Variants in NLGN4X observed in about 807,000 individuals in gnomAD.
NLGN4X encodes the protein neuroligin 4 X-linked, also known as neuroligin-4, X-linked.
A neutral mutation model predicts 40.3 loss-of-function variants in NLGN4X; 3 were observed. The observed-to-expected ratio is 0.07, with a 90% CI of 0.03 to 0.19. NLGN4X has a LOEUF of 0.19. NLGN4X is among the 10% of genes least tolerant of loss of function. The pLI is 1.00. For missense variants in NLGN4X, 382 were observed against 708.3 expected (o/e 0.54, Z 5.23); for synonymous variants, 270 against 306.8 (o/e 0.88, Z 1.25).
At chrX:6,150,927 ACCCTC>A in intron 2 of NLGN4X, 63 bp downstream of exon 2, 1 of 901,464 alleles carries the variant, frequency 1.1e-6, no homozygotes, top group South Asian at 2.0e-5. Flanking sequence ...ACATTATAAA[ACCCTC>A]CTAGCAAATC....
At chrX:6,093,045 T>G (rs1602216229) in intron 2 of NLGN4X, among the ~76,000 whole-genome samples, 1 of 77,745 alleles carries the variant, frequency 1.3e-5, no homozygotes, top group East Asian at 3.6e-4. Context: ...ATAGAAAGAA[T>G]GGATAAAGCA....
At chrX:6,046,854 T>C (rs1422041621) in intron 2 of NLGN4X, among the ~76,000 whole-genome samples, 2 of 75,476 alleles carry the variant, frequency 2.6e-5, no homozygotes, top group Non-Finnish European at 5.4e-5. Context: ...TATAAACACA[T>C]ATATATATAC....
intron 2 of NLGN4X, among the ~76,000 whole-genome samples, chrX:6,135,406 T>A (rs1363468175): frequency 1.8e-5 from 2 of 111,953 alleles, no homozygotes; most frequent in Non-Finnish European, 3.8e-5. Context: ...AGGTAAGGTT[T>A]TGCCCCAAGT....
chrX:5,966,920 C>T (rs139394035), intron 3 of NLGN4X, among the ~76,000 whole-genome samples: 1,176 of 112,298 alleles, frequency 0.01, 13 homozygotes, highest in Middle Eastern at 0.028. Context: ...ACCAAACCTA[C>T]ACCAGATAGT....
At chrX:6,207,769 T>C (rs755489430) in intron 1 of NLGN4X, among the ~76,000 whole-genome samples, 1 of 111,845 alleles carries the variant, frequency 8.9e-6, no homozygotes, top group Non-Finnish European at 1.9e-5. Context: ...AAATAACTGG[T>C]TTTGCATATA....
chrX:6,102,356 C>G (rs1167160745), intron 2 of NLGN4X, among the ~76,000 whole-genome samples: 1 of 110,581 alleles, frequency 9.0e-6, no homozygotes, highest in Non-Finnish European at 1.9e-5. Context: ...AGGTGGGCGC[C>G]TTTTGGAGGT....
chrX:6,098,641 C>T (rs989457480), intron 2 of NLGN4X, among the ~76,000 whole-genome samples: 7 of 111,862 alleles, frequency 6.3e-5, no homozygotes, highest in African/African-American at 2.3e-4. Context: ...GCATTTCCAG[C>T]TTCCCCTCCT....
chrX:6,057,041 AG>A (rs1347522684), intron 2 of NLGN4X, among the ~76,000 whole-genome samples: 1 of 112,060 alleles, frequency 8.9e-6, no homozygotes, highest in Non-Finnish European at 1.9e-5. Flanking sequence ...GGAAAATGAG[AG>A]GCAACAAATT....
intron 1 of NLGN4X, among the ~76,000 whole-genome samples, chrX:6,223,088 AT>A (rs1309833159): frequency 1.8e-5 from 2 of 110,667 alleles, no homozygotes; most frequent in Non-Finnish European, 3.8e-5. Context: ...TATATAGTGT[AT>A]TTTTATATAC....
chrX:6,127,180 T>C (rs1189880970), intron 2 of NLGN4X, among the ~76,000 whole-genome samples: 1 of 111,352 alleles, frequency 9.0e-6, no homozygotes, highest in Non-Finnish European at 1.9e-5. Flanking sequence ...CCCTGGTAGG[T>C]AGGTCCAGTT....
intron 3 of NLGN4X, among the ~76,000 whole-genome samples, chrX:6,009,587 T>C (rs902930402): frequency 8.9e-6 from 1 of 112,376 alleles, no homozygotes; most frequent in Non-Finnish European, 1.9e-5. Flanking sequence ...CAAACAACAA[T>C]TAATGCCCTT....
intron 1 of NLGN4X, among the ~76,000 whole-genome samples, chrX:6,169,512 C>A (rs1461898149): frequency 8.8e-6 from 1 of 113,113 alleles, no homozygotes. Context: ...TTGGCCTCTG[C>A]ACAAGCATCC....
chrX:6,184,852 G>A (rs1336184820), intron 1 of NLGN4X, among the ~76,000 whole-genome samples: 1 of 112,515 alleles, frequency 8.9e-6, no homozygotes, highest in African/African-American at 3.2e-5. Context: ...ACCAATACAC[G>A]GGAGAGCGTA....
intron 2 of NLGN4X, among the ~76,000 whole-genome samples, chrX:6,135,658 C>T: frequency 9.0e-6 from 1 of 111,381 alleles, no homozygotes; most frequent in African/African-American, 3.3e-5. Context: ...TGGATATAGA[C>T]ATTGGTTGGC....
intron 2 of NLGN4X, among the ~76,000 whole-genome samples, chrX:6,060,592 T>C (rs1569214344): frequency 8.9e-6 from 1 of 112,153 alleles, no homozygotes; most frequent in Non-Finnish European, 1.9e-5. Context: ...CTCTGCTAAA[T>C]AGCACCTTCT....
intron 3 of NLGN4X, among the ~76,000 whole-genome samples, chrX:5,973,793 A>T (rs1490370769): frequency 2.7e-5 from 3 of 111,175 alleles, no homozygotes; most frequent in African/African-American, 9.8e-5. Flanking sequence ...ACTGCACTCC[A>T]GCCTGGGTGA....
chrX:6,205,716 C>T (rs1923977557), intron 1 of NLGN4X, among the ~76,000 whole-genome samples: 1 of 112,106 alleles, frequency 8.9e-6, no homozygotes, highest in South Asian at 3.7e-4. Context: ...GTACTCCCCA[C>T]CACCAAGTTC....
chrX:6,072,728 T>C (rs969418646), intron 2 of NLGN4X, among the ~76,000 whole-genome samples: 2 of 111,615 alleles, frequency 1.8e-5, no homozygotes, highest in African/African-American at 6.5e-5. Flanking sequence ...AGTGCCGCCA[T>C]AGCCCTTGTG....
At chrX:6,201,857 CA>C (rs758616522) in intron 1 of NLGN4X, among the ~76,000 whole-genome samples, 1 of 110,707 alleles carries the variant, frequency 9.0e-6, no homozygotes. Flanking sequence ...GAAGTGAGAG[CA>C]GAAGATAGAG....
Sources: gnomAD v4.1 joint callset for allele counts (sites outside exome capture counted in the v4.1 genomes callset) on GRCh38, gnomAD v4.1.1 for gene constraint, MANE v1.5 for transcripts, NCBI Gene and HGNC (gene_info 2026-07-23, HGNC 2026-07-21) for gene names.